Variants in CNTN3 observed in about 807,000 individuals in gnomAD.
CNTN3 encodes contactin-3.
In CNTN3, 60 loss-of-function variants were observed where a neutral mutation model predicts 119.1. That is an observed-to-expected ratio of 0.50 (90% CI 0.41 to 0.62). The LOEUF is 0.62. CNTN3 is among the 20% of genes least tolerant of loss of function. The pLI is 0.00. For missense variants in CNTN3, 1,101 were observed against 1,242.4 expected (o/e 0.89, Z 1.71); for synonymous variants, 450 against 438.7 (o/e 1.03, Z -0.32).
At chr3:74,319,240 G>C (rs975278413) in intron 13 of CNTN3, among the ~76,000 whole-genome samples, 4 of 152,140 alleles carry the variant, frequency 2.6e-5, no homozygotes, top group African/African-American at 9.7e-5. Context: ...AAAGCCAGAG[G>C]CATCACGCTA....
At chr3:74,345,386 C>T (rs1044894424) in intron 11 of CNTN3, among the ~76,000 whole-genome samples, 1 of 152,194 alleles carries the variant, frequency 6.6e-6, no homozygotes, top group Non-Finnish European at 1.5e-5. Context: ...TTCATTTGCA[C>T]TGCAGCACCT....
At chr3:74,547,997 T>C (rs963043625) in intron 1 of CNTN3, among the ~76,000 whole-genome samples, 3 of 152,176 alleles carry the variant, frequency 2.0e-5, no homozygotes, top group African/African-American at 2.4e-5. Context: ...CCACCTTTAG[T>C]TCATTCCAGA....
chr3:74,500,014 A>G (rs187970079), intron 2 of CNTN3, among the ~76,000 whole-genome samples: 1 of 152,196 alleles, frequency 6.6e-6, no homozygotes, highest in East Asian at 1.9e-4. Context: ...ATATTGCCAT[A>G]TTAAGATCAT....
intron 4 of CNTN3, among the ~76,000 whole-genome samples, chr3:74,478,482 G>A (rs1375619045): frequency 6.6e-6 from 1 of 152,126 alleles, no homozygotes; most frequent in Non-Finnish European, 1.5e-5. Flanking sequence ...ATGCACACTG[G>A]ATTCTGCAAT....
chr3:74,364,099 T>C (rs1704135142), intron 10 of CNTN3, among the ~76,000 whole-genome samples: 2 of 152,086 alleles, frequency 1.3e-5, no homozygotes, highest in Non-Finnish European at 1.5e-5. Flanking sequence ...TTGAATCAAA[T>C]ACGATTGATT....
At chr3:74,590,852 A>G (rs1481610784) in intron 1 of CNTN3, among the ~76,000 whole-genome samples, 1 of 151,988 alleles carries the variant, frequency 6.6e-6, no homozygotes, top group East Asian at 1.9e-4. Context: ...TACACCTTCA[A>G]TGGGAACCCA....
intron 4 of CNTN3, among the ~76,000 whole-genome samples, chr3:74,451,587 C>A (rs1026491288): frequency 2.0e-5 from 3 of 152,160 alleles, no homozygotes; most frequent in Non-Finnish European, 4.4e-5. Flanking sequence ...GAAGTCCTTG[C>A]CCGTGCCTAT....
intron 4 of CNTN3, among the ~76,000 whole-genome samples, chr3:74,435,386 A>G (rs1037176713): frequency 6.6e-6 from 1 of 152,144 alleles, no homozygotes; most frequent in African/African-American, 2.4e-5. Flanking sequence ...CATGTTGCCC[A>G]GGCCAGTCAC....
chr3:74,390,261 G>C (rs149406761), intron 5 of CNTN3, among the ~76,000 whole-genome samples: 1 of 152,126 alleles, frequency 6.6e-6, no homozygotes, highest in Non-Finnish European at 1.5e-5. Context: ...ACTGAGGCCC[G>C]GAATGTGGAA....
chr3:74,580,796 T>C (rs938779483), intron 1 of CNTN3, among the ~76,000 whole-genome samples: 1 of 152,216 alleles, frequency 6.6e-6, no homozygotes, highest in African/African-American at 2.4e-5. Context: ...TACTGCAGCC[T>C]GGACGTCAAC....
chr3:74,407,699 G>T (rs1037829880), intron 5 of CNTN3, among the ~76,000 whole-genome samples: 1 of 151,990 alleles, frequency 6.6e-6, no homozygotes, highest in African/African-American at 2.4e-5. Flanking sequence ...TACAGTGACA[G>T]ATGCATTGAA....
intron 2 of CNTN3, among the ~76,000 whole-genome samples, chr3:74,511,231 A>G (rs1379598507): frequency 1.3e-5 from 2 of 152,180 alleles, no homozygotes; most frequent in East Asian, 3.9e-4. Context: ...TCTTCAATTC[A>G]GCAGTTCCAT....
At chr3:74,509,356 C>T (rs550769205) in intron 2 of CNTN3, among the ~76,000 whole-genome samples, 246 of 149,486 alleles carry the variant, frequency 1.6e-3, no homozygotes, top group African/African-American at 5.8e-3. Flanking sequence ...CTCTGTTGCC[C>T]AGGCTGGAGT....
chr3:74,584,530 G>A (rs948609572), intron 1 of CNTN3, among the ~76,000 whole-genome samples: 11 of 151,932 alleles, frequency 7.2e-5, no homozygotes, highest in Non-Finnish European at 1.5e-4. Context: ...GTCATGAATG[G>A]AAGCTTCCTG....
At chr3:74,384,209 A>AT (rs1478250456) in intron 5 of CNTN3, among the ~76,000 whole-genome samples, 2 of 152,252 alleles carry the variant, frequency 1.3e-5, no homozygotes, top group Non-Finnish European at 2.9e-5. Flanking sequence ...GTCCCCTGAC[A>AT]TTTTTTAGTT....
At chr3:74,291,669 G>C (rs544485901) in intron 19 of CNTN3, among the ~76,000 whole-genome samples, 1 of 152,080 alleles carries the variant, frequency 6.6e-6, no homozygotes, top group African/African-American at 2.4e-5. Context: ...GTGAGCCACC[G>C]CGCCCAGCAG....
intron 3 of CNTN3, among the ~76,000 whole-genome samples, chr3:74,490,063 G>C (rs1485366206): frequency 1.3e-5 from 2 of 152,182 alleles, no homozygotes; most frequent in Non-Finnish European, 2.9e-5. Context: ...ACATGGAACA[G>C]ACTATGTCTT....
intron 11 of CNTN3, among the ~76,000 whole-genome samples, chr3:74,353,727 G>T (rs952960403): frequency 2.0e-5 from 3 of 152,070 alleles, no homozygotes; most frequent in Non-Finnish European, 4.4e-5. Context: ...CTGCACTCCA[G>T]CCTGGGGGAC....
chr3:74,418,239 T>C (rs1417707117), intron 5 of CNTN3, among the ~76,000 whole-genome samples: 2 of 151,990 alleles, frequency 1.3e-5, no homozygotes, highest in Non-Finnish European at 2.9e-5. Flanking sequence ...TGTTGCCTAG[T>C]CTGGTTTCAA....
Sources: gnomAD v4.1 joint callset for allele counts (sites outside exome capture counted in the v4.1 genomes callset) on GRCh38, gnomAD v4.1.1 for gene constraint, MANE v1.5 for transcripts, NCBI Gene and HGNC (gene_info 2026-07-23, HGNC 2026-07-21) for gene names.